The following APBA1 variants were observed in gnomAD, a reference collection of about 807,000 sequenced individuals.
APBA1 encodes the protein amyloid-beta A4 precursor protein-binding family A member 1.
A neutral mutation model predicts 86.6 loss-of-function variants in APBA1; 55 were observed. That is an observed-to-expected ratio of 0.64 (90% CI 0.51 to 0.80). APBA1 has a LOEUF of 0.80. Ranked by LOEUF, APBA1 falls within the 30% of genes least tolerant of loss-of-function variation. The pLI is 0.00. For synonymous variants in APBA1, 511 were observed against 493.9 expected (o/e 1.03, Z -0.46); for missense variants, 1,090 against 1,183.0 (o/e 0.92, Z 1.15).
intron 2 of APBA1, among the ~76,000 whole-genome samples, chr9:69,504,798 T>G (rs547825739): frequency 6.6e-6 from 1 of 152,144 alleles, no homozygotes; most frequent in South Asian, 2.1e-4. Context: ...ATGTCCCCAG[T>G]TTCAGTGCTC....
At chr9:69,634,311 T>C (rs571849307) in intron 1 of APBA1, among the ~76,000 whole-genome samples, 11 of 152,218 alleles carry the variant, frequency 7.2e-5, no homozygotes, top group African/African-American at 2.6e-4. Flanking sequence ...CAGGCAGAAC[T>C]CAGGTGGCAC....
chr9:69,667,546 CA>C, intron 1 of APBA1, among the ~76,000 whole-genome samples: 1 of 150,430 alleles, frequency 6.6e-6, no homozygotes, highest in Non-Finnish European at 1.5e-5. Context: ...GCTTCTGTCT[CA>C]AAAGAATCCT....
chr9:69,515,263 G>A (rs944549445), intron 2 of APBA1, among the ~76,000 whole-genome samples: 1 of 152,102 alleles, frequency 6.6e-6, no homozygotes, highest in Non-Finnish European at 1.5e-5. Context: ...CAAACGATCA[G>A]CTGAACTGCT....
At chr9:69,594,196 A>T (rs761564151) in intron 1 of APBA1, among the ~76,000 whole-genome samples, 23 of 152,156 alleles carry the variant, frequency 1.5e-4, no homozygotes, top group Admixed American at 3.9e-4. Context: ...AGCAACAGAC[A>T]AGAGCCATGC....
intron 1 of APBA1, among the ~76,000 whole-genome samples, chr9:69,519,316 C>T (rs1003676156): frequency 2.0e-5 from 3 of 152,216 alleles, no homozygotes; most frequent in Non-Finnish European, 4.4e-5. Flanking sequence ...CAATAGAGTT[C>T]ATGCTCCAAT....
chr9:69,559,930 T>C (rs561135003), intron 1 of APBA1, among the ~76,000 whole-genome samples: 1 of 152,332 alleles, frequency 6.6e-6, no homozygotes, highest in South Asian at 2.1e-4. Flanking sequence ...CCCAAGCATC[T>C]GCATCACTAG....
intron 1 of APBA1, among the ~76,000 whole-genome samples, chr9:69,653,080 T>A (rs1314223629): frequency 6.7e-6 from 1 of 149,302 alleles, no homozygotes; most frequent in East Asian, 2.0e-4. Context: ...TATAAAGACA[T>A]GCATAGACTG....
At chr9:69,542,029 G>T (rs901117042) in intron 1 of APBA1, among the ~76,000 whole-genome samples, 2 of 151,776 alleles carry the variant, frequency 1.3e-5, no homozygotes, top group Non-Finnish European at 2.9e-5. Context: ...TTTGAAAATA[G>T]TTTAAAAATA....
chr9:69,620,554 G>A (rs1028506969), intron 1 of APBA1, among the ~76,000 whole-genome samples: 1 of 152,188 alleles, frequency 6.6e-6, no homozygotes, highest in Non-Finnish European at 1.5e-5. Flanking sequence ...GCATGTGCCT[G>A]TAGTCCTAGC....
intron 1 of APBA1, among the ~76,000 whole-genome samples, chr9:69,631,923 A>G (rs1028116329): frequency 1.6e-4 from 25 of 152,282 alleles, no homozygotes; most frequent in Non-Finnish European, 2.5e-4. Flanking sequence ...GGGGAGGGAT[A>G]GTATTAGGAG....
intron 1 of APBA1, among the ~76,000 whole-genome samples, chr9:69,641,425 G>A (rs1168184540): frequency 6.6e-6 from 1 of 152,142 alleles, no homozygotes; most frequent in Non-Finnish European, 1.5e-5. Context: ...ATATGGAAAT[G>A]CTAAAATCTG....
chr9:69,539,039 T>A (rs6559626), intron 1 of APBA1, among the ~76,000 whole-genome samples: 86,096 of 152,002 alleles, frequency 0.57, 26,167 homozygotes, highest in Non-Finnish European at 0.67. Flanking sequence ...CACCACTTTC[T>A]CCTGTTGCTT....
At chr9:69,597,913 G>A (rs1164313743) in intron 1 of APBA1, among the ~76,000 whole-genome samples, 10 of 151,822 alleles carry the variant, frequency 6.6e-5, no homozygotes, top group South Asian at 2.1e-4. Flanking sequence ...ATACCATTTG[G>A]CCCAGCCATC....
chr9:69,503,518 T>C (rs7869376), intron 2 of APBA1, among the ~76,000 whole-genome samples: 25,949 of 152,064 alleles, frequency 0.17, 2,337 homozygotes, highest in Admixed American at 0.21. Flanking sequence ...TTCTGGTTAA[T>C]CAATATTCAG....
intron 2 of APBA1, among the ~76,000 whole-genome samples, chr9:69,513,880 T>C (rs11139049): frequency 0.11 from 16,902 of 152,216 alleles, 1,078 homozygotes; most frequent in East Asian, 0.28. Context: ...TATTGAGAAA[T>C]GGCCTGGTGC....
rs111588579 is a variant in APBA1 at position 69,535,504 on chromosome 9, A to G, written c.-69-18225T>C. Reference sequence around the variant, plus strand: ...TTAATCATTGTCCTGTGCACTTGGTAGGCCACTCAATCTGAAGAGCTGTGT... The same window carrying G: ...TTAATCATTGTCCTGTGCACTTGGTGGGCCACTCAATCTGAAGAGCTGTGT... On this transcript the variant is annotated intron_variant, in intron 1 of 12. Coordinates refer to ENST00000265381, the MANE Select transcript of APBA1 (RefSeq NM_001163.4). 1.1e-3 allele frequency among the ~76,000 whole-genome samples: 173 copies of G among 152,310 alleles called. 1 individual carries two copies. The highest frequency in any genetic ancestry group is 3.8e-3 in the African/African-American group (160 of 41,566).
At chr9:69,670,396 G>C (rs899231116) in intron 1 of APBA1, among the ~76,000 whole-genome samples, 4 of 152,176 alleles carry the variant, frequency 2.6e-5, no homozygotes, top group Non-Finnish European at 5.9e-5. Flanking sequence ...TGACTGCTAC[G>C]GGCTTTTCGA....
At chr9:69,644,681 T>G (rs1175188440) in intron 1 of APBA1, among the ~76,000 whole-genome samples, 1 of 152,068 alleles carries the variant, frequency 6.6e-6, no homozygotes. Context: ...CACAAATAAC[T>G]GGTTTGAGTA....
intron 2 of APBA1, among the ~76,000 whole-genome samples, chr9:69,486,402 C>T (rs1442001031): frequency 1.3e-5 from 2 of 152,102 alleles, no homozygotes; most frequent in Non-Finnish European, 2.9e-5. Context: ...TTTGTTCCTT[C>T]GACAGACATC....
Sources: gnomAD v4.1 joint callset for allele counts (sites outside exome capture counted in the v4.1 genomes callset) on GRCh38, gnomAD v4.1.1 for gene constraint, MANE v1.5 for transcripts, NCBI Gene and HGNC (gene_info 2026-07-23, HGNC 2026-07-21) for gene names.